Variants in TRPC5 observed in about 807,000 individuals in gnomAD.
The protein encoded by TRPC5 is transient receptor potential cation channel subfamily C member 5.
TRPC5 carries 9 observed loss-of-function variants against 56.5 expected under a neutral mutation model. That is an observed-to-expected ratio of 0.16 (90% CI 0.10 to 0.28). The LOEUF is 0.28. Ranked by LOEUF, TRPC5 falls within the 10% of genes least tolerant of loss-of-function variation. The pLI, the probability that TRPC5 is intolerant of heterozygous loss-of-function variation, is 1.00. For missense variants in TRPC5, 469 were observed against 748.9 expected, an observed-to-expected ratio of 0.63 and a Z score of 4.36; for synonymous variants, 282 against 278.5, an observed-to-expected ratio of 1.01 and a Z score of -0.13.
At chrX:111,778,669 T>C (rs1199789506) in intron 10 of TRPC5, among the ~76,000 whole-genome samples, 1 of 112,150 alleles carries the variant, frequency 8.9e-6, no homozygotes, top group Non-Finnish European at 1.9e-5. Context: ...CTTCCCTTTG[T>C]TATCTTGTCC....
chrX:111,905,488 T>G (rs1280587928), intron 3 of TRPC5, among the ~76,000 whole-genome samples: 1 of 112,252 alleles, frequency 8.9e-6, no homozygotes, highest in East Asian at 2.8e-4. Context: ...ATATCACATC[T>G]CTTCAGGGTA....
At chrX:112,055,343 T>C (rs1430014618) in intron 1 of TRPC5, among the ~76,000 whole-genome samples, 1 of 111,785 alleles carries the variant, frequency 8.9e-6, no homozygotes, top group Non-Finnish European at 1.9e-5. Flanking sequence ...TTCCAATTAA[T>C]AAACTGATAA....
intron 6 of TRPC5, among the ~76,000 whole-genome samples, chrX:111,838,615 CAG>C (rs1261182086): frequency 8.9e-6 from 1 of 111,952 alleles, no homozygotes; most frequent in East Asian, 2.8e-4. Context: ...TTTTATTTAG[CAG>C]AGAGTAAACA....
At chrX:112,034,398 C>T (rs1929672544) in intron 1 of TRPC5, among the ~76,000 whole-genome samples, 1 of 106,141 alleles carries the variant, frequency 9.4e-6, no homozygotes, top group South Asian at 4.1e-4. Flanking sequence ...TTTTTGCATA[C>T]TATGGTGAAT....
At chrX:112,059,235 C>G (rs960423826) in intron 1 of TRPC5, among the ~76,000 whole-genome samples, 1 of 111,736 alleles carries the variant, frequency 8.9e-6, no homozygotes, top group Non-Finnish European at 1.9e-5. Context: ...CTGGATTTTA[C>G]CATCTAATGA....
chrX:111,979,186 C>T (rs1928011478), intron 1 of TRPC5, among the ~76,000 whole-genome samples: 1 of 111,247 alleles, frequency 9.0e-6, no homozygotes, highest in South Asian at 3.8e-4. Flanking sequence ...ATATACAAAA[C>T]TGATGTCTGA....
At chrX:111,854,218 C>T in intron 3 of TRPC5, 112 bp from the exon 4 acceptor site, 1 of 802,046 alleles carries the variant, frequency 1.2e-6, no homozygotes, top group Non-Finnish European at 1.7e-6. Context: ...CATGGCCAAT[C>T]CCCAGAAGAG....
chrX:111,914,678 A>G (rs1436912865), intron 2 of TRPC5, among the ~76,000 whole-genome samples: 1 of 112,556 alleles, frequency 8.9e-6, no homozygotes, highest in Non-Finnish European at 1.9e-5. Flanking sequence ...GAGCAGCTAC[A>G]AACAAGACAG....
intron 3 of TRPC5, chrX:111,896,319 G>A (rs1027476838): frequency 2.3e-5 from 2 of 87,062 alleles, no homozygotes; most frequent in Admixed American, 2.2e-4. Flanking sequence ...CTTTAATCTC[G>A]TCCTTGCTTA....
chrX:111,896,824 T>C (rs1354940726), intron 3 of TRPC5, among the ~76,000 whole-genome samples: 1 of 112,050 alleles, frequency 8.9e-6, no homozygotes, highest in East Asian at 2.8e-4. Context: ...TCTTTACTTA[T>C]GTGATCATGG....
At chrX:111,796,225 C>G in intron 7 of TRPC5, among the ~76,000 whole-genome samples, 1 of 111,390 alleles carries the variant, frequency 9.0e-6, no homozygotes, top group East Asian at 2.8e-4. Flanking sequence ...TCATAGTTTC[C>G]TTTCATTCTT....
intron 6 of TRPC5, among the ~76,000 whole-genome samples, chrX:111,844,332 C>G (rs1286835333): frequency 9.0e-6 from 1 of 111,264 alleles, no homozygotes; most frequent in Admixed American, 9.6e-5. Flanking sequence ...GCCACGTATT[C>G]CCAGTATGCA....
At chrX:111,813,738 G>A (rs146759268) in intron 7 of TRPC5, among the ~76,000 whole-genome samples, 1,168 of 112,369 alleles carry the variant, frequency 0.01, 6 homozygotes, top group Middle Eastern at 0.018. Context: ...TGGGCAGGCC[G>A]GTTGGAGAGA....
intron 1 of TRPC5, among the ~76,000 whole-genome samples, chrX:111,989,001 G>A (rs1192533355): frequency 8.9e-6 from 1 of 111,835 alleles, no homozygotes; most frequent in Non-Finnish European, 1.9e-5. Context: ...TATGTATAAA[G>A]TTCCTAGAAC....
intron 1 of TRPC5, among the ~76,000 whole-genome samples, chrX:112,010,933 T>C (rs919426570): frequency 8.9e-6 from 1 of 111,998 alleles, no homozygotes; most frequent in Non-Finnish European, 1.9e-5. Context: ...TTCCTGCCTG[T>C]GAGAGGGCCA....
intron 1 of TRPC5, among the ~76,000 whole-genome samples, chrX:112,051,305 T>C (rs1930206061): frequency 8.9e-6 from 1 of 112,198 alleles, no homozygotes; most frequent in Non-Finnish European, 1.9e-5. Context: ...TGTGGGTGCC[T>C]CACCACAGAG....
intron 1 of TRPC5, among the ~76,000 whole-genome samples, chrX:111,990,211 A>C (rs1238428436): frequency 9.0e-6 from 1 of 111,228 alleles, no homozygotes; most frequent in African/African-American, 3.3e-5. Context: ...TGAGGTCAGG[A>C]GTTCGAGACC....
chrX:111,909,164 A>AAC lies in TRPC5; in HGVS notation c.900+3126_900+3127insGT, dbSNP rs68025788. On this transcript the variant is annotated intron_variant, in intron 3 of 10. Coordinates refer to ENST00000262839, the MANE Select transcript of TRPC5 (RefSeq NM_012471.3). ...TAAATAAATTAATTAAAAAAAAAAA[A>AAC]AAAAAAAAACCAAAAATTTTCTGGG... 6.1e-4 allele frequency among the ~76,000 whole-genome samples: 15 copies of AAC among 24,437 alleles called. No individual in the cohort carries two copies. The East Asian group carries it at 0.16, about 268-fold the overall frequency. 21.2% of individuals were successfully genotyped at this position (24,437 alleles called of 115,157 possible).
chrX:111,782,219 G>A, intron 7 of TRPC5, 81 bp from the exon 8 acceptor site: 1 of 888,669 alleles, frequency 1.1e-6, no homozygotes, highest in East Asian at 3.2e-5. Context: ...CTTTCTAGTT[G>A]CTTCTATAGA....
Sources: allele counts gnomAD v4.1 joint callset (sites outside exome capture counted in the v4.1 genomes callset), GRCh38; gene constraint gnomAD v4.1.1; transcripts MANE v1.5; gene names NCBI Gene and HGNC (gene_info 2026-07-23, HGNC 2026-07-21).